Variants in NEK1 observed in about 807,000 individuals in gnomAD.
The protein encoded by NEK1 is serine/threonine-protein kinase Nek1.
Under a neutral mutation model 182.1 loss-of-function variants are expected in NEK1, and 137 were observed. The ratio of observed to expected loss-of-function variants is 0.75; its 90% CI spans 0.65 to 0.87. NEK1 has a LOEUF of 0.87. NEK1 is among the 40% of genes least tolerant of loss of function. The pLI is 0.00. For synonymous variants in NEK1, 513 were observed against 492.2 expected (o/e 1.04, Z -0.56); for missense variants, 1,391 against 1,494.4 (o/e 0.93, Z 1.14).
At chr4:169,466,902 A>T (rs2149513623) in intron 26 of NEK1, among the ~76,000 whole-genome samples, 1 of 152,232 alleles carries the variant, frequency 6.6e-6, no homozygotes, top group African/African-American at 2.4e-5. Flanking sequence ...GAACAAATGT[A>T]AGTACAGGTG....
chr4:169,481,197 T>C (rs1470603131), intron 23 of NEK1, among the ~76,000 whole-genome samples: 1 of 152,254 alleles, frequency 6.6e-6, no homozygotes, highest in Non-Finnish European at 1.5e-5. Context: ...CTACCACATC[T>C]ACACTGACTT....
chr4:169,403,967 G>A lies in NEK1; in HGVS notation c.3375-2107C>T, dbSNP rs182755916. 1.4e-4 allele frequency among the ~76,000 whole-genome samples: 21 copies of A among 151,966 alleles called. No individual in the cohort carries two copies. The East Asian group carries it at 2.7e-3, about 20-fold the overall frequency. ...GTACTTTAAAAACAACTTGGTTTTCGAATTTTTCAATTAATACTAAAGGCT... is the reference window on the plus strand; with the variant it reads ...GTACTTTAAAAACAACTTGGTTTTCAAATTTTTCAATTAATACTAAAGGCT... On this transcript the variant is annotated intron_variant, in intron 32 of 35. Coordinates refer to ENST00000507142, the MANE Select transcript of NEK1 (RefSeq NM_001199397.3).
At chr4:169,569,967 G>A (rs1340272915) in intron 12 of NEK1, among the ~76,000 whole-genome samples, 2 of 151,714 alleles carry the variant, frequency 1.3e-5, no homozygotes, top group Non-Finnish European at 2.9e-5. Context: ...TCTGGGACGT[G>A]AGGAGCCCCT....
chr4:169,549,024 A>C (rs1359059331), intron 18 of NEK1, among the ~76,000 whole-genome samples: 1 of 152,152 alleles, frequency 6.6e-6, no homozygotes, highest in African/African-American at 2.4e-5. Context: ...TATGAAAAAA[A>C]ACTCCTTTGG....
Position 169,477,195 on chromosome 4 carries a change from C to A in NEK1, c.2363G>T (p.Trp788Leu). The change falls in exon 26 of 36, where the codon TGG (tryptophan) becomes TTG (leucine). Residue 788 changes from tryptophan (W) to leucine (L), a missense_variant. This residue lies in a region of NEK1 where 1,216 missense variants were observed against 1,277.6 expected (regional missense o/e 0.95). Transcript: ENST00000507142. ...AATCACAAGTTGACCTCCTGCCTCCCACTTCTTGCGATCAGATGAAACTGA... is the reference window on the plus strand; with the variant it reads ...AATCACAAGTTGACCTCCTGCCTCCAACTTCTTGCGATCAGATGAAACTGA... Reference protein sequence around the residue: ...EKSVSSDRKKWEAGGQLVIPL... With the variant: ...EKSVSSDRKKLEAGGQLVIPL... 6.2e-7 allele frequency: 1 copy of A among 1,608,628 alleles called. No individual in the cohort carries two copies. The highest frequency in any genetic ancestry group is 1.1e-5 in the South Asian group (1 of 90,004).
chr4:169,432,521 A>G (rs1737622351), intron 29 of NEK1, among the ~76,000 whole-genome samples: 1 of 152,228 alleles, frequency 6.6e-6, no homozygotes, highest in Admixed American at 6.5e-5. Context: ...AATACTAACT[A>G]GCTATAAAAT....
intron 23 of NEK1, among the ~76,000 whole-genome samples, chr4:169,490,618 A>G (rs1321320214): frequency 2.0e-5 from 3 of 152,062 alleles, no homozygotes; most frequent in Non-Finnish European, 4.4e-5. Flanking sequence ...CTCAATAAAG[A>G]TATACATAAC....
intron 23 of NEK1, among the ~76,000 whole-genome samples, chr4:169,489,659 C>A (rs937907658): frequency 2.0e-5 from 3 of 152,150 alleles, no homozygotes; most frequent in Non-Finnish European, 2.9e-5. Context: ...CTACAAGGAA[C>A]CTCCTCTCCT....
At position 169,445,812 on chromosome 4, in the gene NEK1, C is replaced by T. The variant is rs530106724; in HGVS notation, c.2588-7553G>A. On this transcript the variant is annotated intron_variant, in intron 27 of 35. Transcript: ENST00000507142. Reference sequence around the variant, plus strand: ...GATATACCCATGTAACAAACATGCACATGCACCCACTAAACTTAAAACAAA... The same window carrying T: ...GATATACCCATGTAACAAACATGCATATGCACCCACTAAACTTAAAACAAA... 2.7e-5 allele frequency among the ~76,000 whole-genome samples: 4 copies of T among 150,110 alleles called. No homozygotes were observed. In the South Asian group the frequency reaches 6.3e-4, roughly 23 times the overall value.
intron 23 of NEK1, among the ~76,000 whole-genome samples, chr4:169,479,853 C>T (rs552624994): frequency 9.9e-5 from 15 of 152,116 alleles, no homozygotes; most frequent in Non-Finnish European, 2.1e-4. Flanking sequence ...TTTTGTTAAT[C>T]TTACACTTCT....
At chr4:169,552,354 T>C (rs1456400205) in intron 18 of NEK1, among the ~76,000 whole-genome samples, 1 of 150,460 alleles carries the variant, frequency 6.6e-6, no homozygotes, top group African/African-American at 2.4e-5. Flanking sequence ...TGATCATATC[T>C]ATACATGCCA....
At chr4:169,400,776 AAC>A (rs1731532987) in intron 33 of NEK1, 125 bp from the exon 34 acceptor site, 2 of 648,780 alleles carry the variant, frequency 3.1e-6, no homozygotes, top group East Asian at 3.1e-5. Flanking sequence ...TTTCATTATA[AAC>A]AGTTTTTGTC....
rs1024481226 is a variant in NEK1, at chr4:169,612,496, G to A, written c.-447C>T. 1 of 152,412 alleles carries A rather than the reference G, an allele frequency of 6.6e-6. No homozygotes were observed. The highest frequency in any genetic ancestry group is 2.4e-5 in the African/African-American group (1 of 41,402). The allele number at this position is 152,412 out of a possible 1,614,324, so 9.4% of individuals were successfully genotyped here. ...CTCCTGCCTCGCAACAGCGGCTCTA[G>A]ATTCCGAGTTATGGGGACAACTGCT... On this transcript the variant is annotated 5_prime_UTR_variant, in exon 1 of 36. Coordinates refer to ENST00000507142, the MANE Select transcript of NEK1 (RefSeq NM_001199397.3).
chr4:169,590,975 C>G (rs72974759), intron 5 of NEK1, among the ~76,000 whole-genome samples, 166 bp from the exon 6 acceptor site: 27 of 152,262 alleles, frequency 1.8e-4, no homozygotes, highest in African/African-American at 5.8e-4. Context: ...AACACAAGCT[C>G]TGCACATACT....
At chr4:169,501,065 C>A (rs529619553) in intron 23 of NEK1, among the ~76,000 whole-genome samples, 1 of 152,218 alleles carries the variant, frequency 6.6e-6, no homozygotes, top group African/African-American at 2.4e-5. Flanking sequence ...GGAGAAAGAT[C>A]ACACAAATTT....
intron 31 of NEK1, among the ~76,000 whole-genome samples, chr4:169,410,663 A>G (rs1449100773): frequency 1.1e-4 from 17 of 152,240 alleles, no homozygotes; most frequent in Admixed American, 1.1e-3. Flanking sequence ...CACTTCCCAA[A>G]GACAAAAATT....
intron 19 of NEK1, among the ~76,000 whole-genome samples, chr4:169,535,424 A>T (rs1758315921): frequency 6.6e-6 from 1 of 152,164 alleles, no homozygotes; most frequent in African/African-American, 2.4e-5. Context: ...TTGAAGACAC[A>T]GCAATAGAAC....
rs1241098837 is a variant in NEK1 at position 169,488,789 on chromosome 4, AC to A, written c.2008-9256del. Among the ~76,000 whole-genome samples, 14 of 152,198 alleles carry A rather than the reference AC, an allele frequency of 9.2e-5. No homozygotes were observed. In the East Asian group the frequency reaches 2.3e-3, roughly 25 times the overall value. The stretch of plus-strand genomic sequence containing the variant: ...GAGTAAAGATAGATATATGAACACT[AC>A]CCCCCAATATAACATCTAGATTATG... On this transcript the variant is annotated intron_variant, in intron 23 of 35. Coordinates refer to ENST00000507142, the MANE Select transcript of NEK1 (RefSeq NM_001199397.3).
intron 35 of NEK1, among the ~76,000 whole-genome samples, chr4:169,396,958 C>T (rs569230647): frequency 6.6e-5 from 10 of 152,180 alleles, no homozygotes; most frequent in East Asian, 3.9e-4. Context: ...AGGCTGGGTG[C>T]GGTGGGTCAC....
Sources: gnomAD v4.1 joint callset for allele counts (sites outside exome capture counted in the v4.1 genomes callset) on GRCh38, gnomAD v4.1.1 for gene constraint, gnomAD v4.1.1 regional missense constraint, MANE v1.5 for transcripts, NCBI Gene and HGNC (gene_info 2026-07-23, HGNC 2026-07-21) for gene names.